The following ATXN1 variants were observed in gnomAD, a reference collection of about 807,000 sequenced individuals.
ATXN1 encodes the protein ataxin 1.
ATXN1 carries 8 observed loss-of-function variants against 56.4 expected under a neutral mutation model. The observed-to-expected ratio is 0.14, with a 90% confidence interval of 0.08 to 0.26. The LOEUF (loss-of-function observed/expected upper bound fraction) is 0.26, where lower values mean the gene tolerates loss of function less well. Ranked by LOEUF, ATXN1 falls within the 10% of genes least tolerant of loss-of-function variation. The pLI is 1.00. For synonymous variants in ATXN1, 514 were observed against 494.6 expected (o/e 1.04, Z -0.52); for missense variants, 987 against 1,106.5 (o/e 0.89, Z 1.53).
At chr6:16,454,426 CT>C (rs1001131224) in intron 6 of ATXN1, among the ~76,000 whole-genome samples, 6 of 152,162 alleles carry the variant, frequency 3.9e-5, no homozygotes, top group African/African-American at 1.4e-4. Flanking sequence ...TTAACCCCCC[CT>C]GCTAGGGGCT....
intron 2 of ATXN1, among the ~76,000 whole-genome samples, chr6:16,676,391 T>G (rs1296024894): frequency 6.6e-6 from 1 of 152,214 alleles, no homozygotes; most frequent in Non-Finnish European, 1.5e-5. Context: ...AGTACATTAT[T>G]TCAAAACCCA....
intron 3 of ATXN1, among the ~76,000 whole-genome samples, chr6:16,594,090 G>C (rs569469533): frequency 6.7e-6 from 1 of 148,814 alleles, no homozygotes; most frequent in African/African-American, 2.5e-5. Context: ...TTAGTCTACA[G>C]GGATAGAAGC....
intron 2 of ATXN1, among the ~76,000 whole-genome samples, chr6:16,659,370 G>A (rs2073513): frequency 0.25 from 38,280 of 152,102 alleles, 5,558 homozygotes; most frequent in Admixed American, 0.35. Flanking sequence ...TTACTTTACC[G>A]GCTTGGTAAA....
intron 4 of ATXN1, among the ~76,000 whole-genome samples, chr6:16,578,035 A>G (rs1309881875): frequency 6.6e-6 from 1 of 152,158 alleles, no homozygotes; most frequent in Non-Finnish European, 1.5e-5. Flanking sequence ...ATTTTCTCCC[A>G]CTACATTAAT....
intron 2 of ATXN1, among the ~76,000 whole-genome samples, chr6:16,686,509 G>A (rs1315290850): frequency 3.2e-5 from 1 of 31,152 alleles, no homozygotes; most frequent in Non-Finnish European, 7.3e-5. Flanking sequence ...AACACATTAT[G>A]CCGAAAAGAG....
chr6:16,388,358 T>A (rs140045725), intron 6 of ATXN1, among the ~76,000 whole-genome samples: 1 of 152,298 alleles, frequency 6.6e-6, no homozygotes, highest in East Asian at 1.9e-4. Context: ...ATTCTTCACA[T>A]AAAAACACAT....
At chr6:16,334,527 A>T (rs1761070866) in intron 6 of ATXN1, among the ~76,000 whole-genome samples, 1 of 152,060 alleles carries the variant, frequency 6.6e-6, no homozygotes, top group Non-Finnish European at 1.5e-5. Context: ...GCCAGCCTGG[A>T]CAACATATCG....
At chr6:16,464,155 ACTTTCCTGT>A (rs1760054181) in intron 6 of ATXN1, among the ~76,000 whole-genome samples, 1 of 152,154 alleles carries the variant, frequency 6.6e-6, no homozygotes, top group Non-Finnish European at 1.5e-5. Flanking sequence ...GACTTGAGGA[ACTTTCCTGT>A]CTTACAAGAG....
intron 2 of ATXN1, among the ~76,000 whole-genome samples, chr6:16,721,840 C>T (rs1244413336): frequency 2.0e-5 from 3 of 152,094 alleles, no homozygotes; most frequent in Non-Finnish European, 4.4e-5. Context: ...TAAATGGTTC[C>T]TATGAACCTT....
intron 5 of ATXN1, among the ~76,000 whole-genome samples, chr6:16,508,573 A>AGGTTTGAGG (rs1761022580): frequency 6.6e-6 from 1 of 152,188 alleles, no homozygotes; most frequent in Admixed American, 6.5e-5. Context: ...CAAACCTCCA[A>AGGTTTGAGG]CCTATTAGGA....
chr6:16,644,772 A>G (rs1763772917), intron 3 of ATXN1, among the ~76,000 whole-genome samples: 1 of 152,044 alleles, frequency 6.6e-6, no homozygotes, highest in Non-Finnish European at 1.5e-5. Context: ...ACTCACCAGG[A>G]AAGTAGAGGT....
intron 2 of ATXN1, chr6:16,752,985 C>A: frequency 3.5e-6 from 1 of 285,898 alleles, no homozygotes; most frequent in South Asian, 3.1e-5. Context: ...TGGCAATTAT[C>A]AATCATCGCA....
chr6:16,683,996 G>T (rs996739303), intron 2 of ATXN1, among the ~76,000 whole-genome samples: 6 of 152,130 alleles, frequency 3.9e-5, no homozygotes, highest in African/African-American at 1.4e-4. Flanking sequence ...ACAGAAAATT[G>T]TTCTTTTTTT....
intron 6 of ATXN1, among the ~76,000 whole-genome samples, chr6:16,385,909 G>A (rs1215979893): frequency 2.0e-5 from 3 of 152,144 alleles, no homozygotes; most frequent in Admixed American, 2.0e-4. Flanking sequence ...CTGATACAGG[G>A]CTACAGTGTG....
At chr6:16,641,039 T>G (rs1763698128) in intron 3 of ATXN1, among the ~76,000 whole-genome samples, 2 of 152,214 alleles carry the variant, frequency 1.3e-5, no homozygotes, top group African/African-American at 4.8e-5. Context: ...TACATTCCCT[T>G]AAGCCAAAGC....
intron 6 of ATXN1, among the ~76,000 whole-genome samples, chr6:16,349,586 C>A (rs572944223): frequency 9.9e-5 from 15 of 152,264 alleles, no homozygotes; most frequent in African/African-American, 3.4e-4. Context: ...AGACACCAGT[C>A]AGCTCCAGCA....
At chr6:16,428,722 C>T (rs1759213047) in intron 6 of ATXN1, among the ~76,000 whole-genome samples, 1 of 152,150 alleles carries the variant, frequency 6.6e-6, no homozygotes, top group Non-Finnish European at 1.5e-5. Context: ...CCAGCTAACA[C>T]CCAACCATCA....
intron 3 of ATXN1, among the ~76,000 whole-genome samples, chr6:16,646,489 G>A (rs369134029): frequency 2.6e-5 from 4 of 152,182 alleles, no homozygotes; most frequent in African/African-American, 4.8e-5. Flanking sequence ...CACACTCACC[G>A]TTATCATCAT....
In ATXN1 at chr6:16,301,761, C is replaced by T. The variant is rs2113364928; in HGVS notation, c.*4568G>A. 6.5e-6 allele frequency: 1 copy of T among 152,714 alleles called. No homozygotes were observed. Among genetic ancestry groups the T allele is most frequent in the African/African-American group, 2.4e-5 (1 of 41,534 alleles). 9.5% of individuals were successfully genotyped at this position (152,714 alleles called of 1,614,324 possible). ...CTGCTTGTGGTTCATGAAACAGTAG[C>T]CATGACAACCAACACAGCTCAAGAA... is the stretch of plus-strand genomic sequence containing the variant. On this transcript the variant is annotated 3_prime_UTR_variant, in exon 8 of 8. Coordinates refer to ENST00000436367, the MANE Select transcript of ATXN1 (RefSeq NM_001128164.2).
Sources: allele counts gnomAD v4.1 joint callset (sites outside exome capture counted in the v4.1 genomes callset), GRCh38; gene constraint gnomAD v4.1.1; transcripts MANE v1.5; gene names NCBI Gene and HGNC (gene_info 2026-07-23, HGNC 2026-07-21).